Variants in UNC79 observed in about 807,000 individuals in gnomAD.
UNC79 encodes unc-79 subunit of NALCN channel complex.
A neutral mutation model predicts 283.1 loss-of-function variants in UNC79; 37 were observed. That is an observed-to-expected ratio of 0.13 (90% CI 0.10 to 0.17). The LOEUF (loss-of-function observed/expected upper bound fraction) is 0.17. Among genes scored for constraint, UNC79 ranks in the 10% least tolerant of loss-of-function variants. UNC79 has a pLI of 1.00. For synonymous variants in UNC79, 1,107 were observed against 1,200.2 expected (o/e 0.92, Z 1.61); for missense variants, 2,272 against 3,211.1 (o/e 0.71, Z 7.07).
At chr14:93,363,887 T>G (rs1313022629) in intron 1 of UNC79, among the ~76,000 whole-genome samples, 1 of 151,886 alleles carries the variant, frequency 6.6e-6, no homozygotes, top group East Asian at 1.9e-4. Context: ...CCCAGCTAAT[T>G]TTTTTTGTAT....
chr14:93,462,879 T>G (rs1442255092), intron 1 of UNC79, among the ~76,000 whole-genome samples: 6 of 152,144 alleles, frequency 3.9e-5, no homozygotes, highest in Non-Finnish European at 7.4e-5. Context: ...ATTTATAAGA[T>G]TCCCAAGTGG....
rs570069717 is a variant in UNC79 at position 93,575,810 on chromosome 14, A to T, written c.2211+612A>T. Among the ~76,000 whole-genome samples the T allele has an allele frequency of 1.1e-4, 16 of 152,188 alleles. No individual in the cohort carries two copies. In the South Asian group the frequency reaches 3.3e-3, roughly 32 times the overall value. ...GTTCTCAGGCCGTGAGCAGCTGTGGAAAGGTTGACTCTTATTGGATGGTTG... is the reference window on the plus strand; with the variant it reads ...GTTCTCAGGCCGTGAGCAGCTGTGGTAAGGTTGACTCTTATTGGATGGTTG... On this transcript the variant is annotated intron_variant, in intron 17 of 48. Coordinates refer to ENST00000555664, the Ensembl canonical transcript of UNC79.
chr14:93,443,446 C>T (rs10142298), intron 1 of UNC79, among the ~76,000 whole-genome samples: 91,373 of 144,106 alleles, frequency 0.63, 29,549 homozygotes, highest in Middle Eastern at 0.77. Context: ...TTTCTCAAGA[C>T]GGACTCTTGC....
rs1042881263 is a variant in UNC79, at chr14:93,682,086, G to C, written c.6742-531G>C. ...ATGGAAGTGTGTGAAAAGTCCTCTG[G>C]GCCCCCAGAGAAGGAGTGGGGGTCT... On this transcript the variant is annotated intron_variant, in intron 41 of 48. Coordinates refer to ENST00000555664, the Ensembl canonical transcript of UNC79. 4.6e-5 allele frequency among the ~76,000 whole-genome samples: 7 copies of C among 152,080 alleles called. No individual in the cohort carries two copies. The South Asian group carries it at 1.5e-3, about 32-fold the overall frequency.
intron 2 of UNC79, among the ~76,000 whole-genome samples, chr14:93,470,422 A>G (rs1023218264): frequency 1.3e-5 from 2 of 152,218 alleles, no homozygotes; most frequent in Non-Finnish European, 2.9e-5. Flanking sequence ...GAGTCCACAT[A>G]TGTCCACTTA....
chr14:93,675,545 A>G (rs2073272335), intron 41 of UNC79, among the ~76,000 whole-genome samples: 2 of 152,238 alleles, frequency 1.3e-5, no homozygotes, highest in Admixed American at 6.5e-5. Context: ...AAGAGTTCAC[A>G]TGCACCTTGA....
chr14:93,618,390 A>C (rs1415783638), intron 29 of UNC79, 36 bp downstream of exon 30: 14 of 1,557,586 alleles, frequency 9.0e-6, no homozygotes, highest in Non-Finnish European at 1.1e-5. Context: ...CCTAGCTTCA[A>C]TACATAATAG....
At chr14:93,374,979 A>G (rs1171188103) in intron 1 of UNC79, among the ~76,000 whole-genome samples, 3 of 152,206 alleles carry the variant, frequency 2.0e-5, no homozygotes, top group East Asian at 1.9e-4. Context: ...ATGTATTTGT[A>G]TATGAAAAGG....
chr14:93,470,022 G>A (rs1178615449), intron 2 of UNC79, among the ~76,000 whole-genome samples: 1 of 152,110 alleles, frequency 6.6e-6, no homozygotes, highest in African/African-American at 2.4e-5. Context: ...TATTATTAAA[G>A]CATTTAATAT....
chr14:93,612,724 T>C, intron 26 of UNC79, 73 bp from the exon 28 acceptor site: 1 of 1,541,722 alleles, frequency 6.5e-7, no homozygotes, highest in Non-Finnish European at 8.7e-7. Flanking sequence ...GCCTTATCAA[T>C]ATCTAAGAGA....
chr14:93,585,545 A>C (rs911849799), intron 20 of UNC79, among the ~76,000 whole-genome samples: 3 of 152,244 alleles, frequency 2.0e-5, no homozygotes, highest in Admixed American at 2.0e-4. Context: ...GAAGATTCCC[A>C]ATGGACTTTT....
intron 12 of UNC79, 134 bp from the exon 13 acceptor site, chr14:93,540,526 A>G (rs2061326528): frequency 2.8e-5 from 26 of 929,102 alleles, no homozygotes; most frequent in Non-Finnish European, 3.8e-5. Context: ...TCAGTAACTC[A>G]GTAACACAGT....
rs550096651 is a variant in UNC79, at chr14:93,489,056, C to T, written c.712+1301C>T. On this transcript the variant is annotated intron_variant, in intron 5 of 48. Coordinates refer to ENST00000555664, the Ensembl canonical transcript of UNC79. ...TACCTGGCTCAAGCGATTCTCCTTC[C>T]TCAGCCTCTTGAGTAGCTGGGACTA... is the stretch of plus-strand genomic sequence containing the variant. Among the ~76,000 whole-genome samples, 3 of 152,324 alleles carry T rather than the reference C, an allele frequency of 2.0e-5. No individual in the cohort carries two copies. The South Asian group carries it at 6.2e-4, about 32-fold the overall frequency.
At chr14:93,349,820 C>A (rs2053946772) in intron 1 of UNC79, among the ~76,000 whole-genome samples, 1 of 152,206 alleles carries the variant, frequency 6.6e-6, no homozygotes, top group Admixed American at 6.5e-5. Flanking sequence ...GGTTCTTACT[C>A]AGGTGAACCT....
Position 93,642,299 on chromosome 14 carries a change from C to T in UNC79, c.5903+1052C>T, listed in dbSNP as rs554968956. Among the ~76,000 whole-genome samples, 12 of 151,844 alleles carry T rather than the reference C, an allele frequency of 7.9e-5. No individual in the cohort carries two copies. In the East Asian group the frequency reaches 1.2e-3, roughly 15 times the overall value. On this transcript the variant is annotated intron_variant, in intron 33 of 48. Transcript: ENST00000555664. ...AATTAGCTGGGCCTGGTGGCGGGCA[C>T]GTGTAGTCCCAGCTACTCGGGAGGC... is the stretch of plus-strand genomic sequence containing the variant.
At chr14:93,524,065 G>A (rs1340216998) in intron 8 of UNC79, 23 bp downstream of exon 8, 3 of 1,613,378 alleles carry the variant, frequency 1.9e-6, no homozygotes, top group Non-Finnish European at 2.5e-6. Flanking sequence ...TAGACCTGGT[G>A]CCATACTGTA....
chr14:93,437,227 T>G (rs968648772), intron 1 of UNC79, among the ~76,000 whole-genome samples: 1 of 152,124 alleles, frequency 6.6e-6, no homozygotes, highest in Non-Finnish European at 1.5e-5. Flanking sequence ...TCTTAAGCTC[T>G]CCAGGAAAGA....
At position 93,531,064 on chromosome 14, in the gene UNC79, TTATAAAA is replaced by T. The variant is rs1481638730; in HGVS notation, c.1094-1480_1094-1474del. 2.0e-5 allele frequency among the ~76,000 whole-genome samples: 3 copies of T among 152,228 alleles called. No homozygotes were observed. The highest frequency in any genetic ancestry group is 7.2e-5 in the African/African-American group (3 of 41,460). On this transcript the variant is annotated intron_variant, in intron 10 of 48. Transcript: ENST00000555664. This position sits in a 1 kb window ranked among gnomAD's most constrained non-coding sequence, Gnocchi z 4.2. ...CTCTGAGGTAAAAGCCATAGTCAAG[TTATAAAA>T]TATAAGTTATAAAATCCTTTTTAAA...
rs2139966656 is a variant in UNC79, at chr14:93,371,592, G to C, written c.-351+38069G>C. ...TAGGTGGCTCACGCCTGTAATCCCA[G>C]CACTTTGGGAGGCCGAGGCGGGTGG... is the stretch of plus-strand genomic sequence containing the variant. On this transcript the variant is annotated intron_variant, in intron 1 of 49. Coordinates refer to the UNC79 transcript ENST00000256339. Among the ~76,000 whole-genome samples the C allele has an allele frequency of 2.0e-5, 3 of 152,204 alleles. No individual in the cohort carries two copies. In the South Asian group the frequency reaches 6.2e-4, roughly 32 times the overall value.
Sources: allele counts gnomAD v4.1 joint callset (sites outside exome capture counted in the v4.1 genomes callset), GRCh38; gene constraint gnomAD v4.1.1; non-coding constraint Gnocchi (gnomAD v3.1); transcripts MANE v1.5; gene names NCBI Gene and HGNC (gene_info 2026-07-23, HGNC 2026-07-21).